PCDH15: variants seen among roughly 807,000 people sequenced by gnomAD.
PCDH15 encodes protocadherin related 15.
Under a neutral mutation model 178.5 loss-of-function variants are expected in PCDH15, and 129 were observed. The ratio of observed to expected loss-of-function variants is 0.72; its 90% CI spans 0.63 to 0.84. PCDH15 has a LOEUF of 0.84. Among genes scored for constraint, PCDH15 ranks in the 40% least tolerant of loss-of-function variants. The pLI is 0.00. For synonymous variants in PCDH15, 800 were observed against 732.0 expected (o/e 1.09, Z -1.50); for missense variants, 2,230 against 2,099.9 (o/e 1.06, Z -1.21).
At chr10:54,888,754 T>G (rs1352878847) in intron 3 of PCDH15, among the ~76,000 whole-genome samples, 2 of 151,398 alleles carry the variant, frequency 1.3e-5, no homozygotes, top group African/African-American at 2.4e-5. Context: ...TTTTTTTCAG[T>G]ACACATTTTG....
chr10:54,130,379 C>A (rs1006660114), intron 15 of PCDH15, among the ~76,000 whole-genome samples: 1 of 152,098 alleles, frequency 6.6e-6, no homozygotes, highest in South Asian at 2.1e-4. Flanking sequence ...ACGATTTCGG[C>A]GCGGTCTGGC....
At chr10:54,947,775 T>A (rs1020147570) in intron 2 of PCDH15, among the ~76,000 whole-genome samples, 1 of 151,990 alleles carries the variant, frequency 6.6e-6, no homozygotes, top group Non-Finnish European at 1.5e-5. Context: ...CATCCCAGAA[T>A]AAAATCCTGT....
intron 1 of PCDH15, among the ~76,000 whole-genome samples, chr10:54,665,435 G>T (rs1203780835): frequency 6.6e-6 from 1 of 151,936 alleles, no homozygotes; most frequent in African/African-American, 2.4e-5. Flanking sequence ...TTCTATTTCT[G>T]CCCAGGATTC....
chr10:54,142,161 G>A lies in PCDH15; in HGVS notation c.1785-9154C>T, dbSNP rs137967591. ...TGAGTAACCTAACTACTTTAACACC[G>A]TGGTCAGAAGTGCTATAAGTAGTAT... On this transcript the variant is annotated intron_variant, in intron 14 of 37. Transcript: ENST00000644397. Among the ~76,000 whole-genome samples, 692 of 152,188 alleles carry A rather than the reference G, an allele frequency of 4.5e-3. 10 individuals carry two copies. Among genetic ancestry groups the A allele is most frequent in the African/African-American group, 0.015 (642 of 41,534 alleles).
rs1026038697 is a variant in PCDH15, at chr10:54,465,171, A to AT, written c.157+62640dup. Among the ~76,000 whole-genome samples, 5 of 152,142 alleles carry AT rather than the reference A, an allele frequency of 3.3e-5. No homozygotes were observed. The East Asian group carries it at 7.7e-4, about 24-fold the overall frequency. ...TGTATATATTTACAGGGGACATGTG[A>AT]TTTTTTTGTTACACGCGTATAACAT... On this transcript the variant is annotated intron_variant, in intron 3 of 37. Coordinates refer to ENST00000644397, the MANE Select transcript of PCDH15 (RefSeq NM_001384140.1).
At chr10:55,543,342 A>G (rs1841806169) in intron 2 of PCDH15, among the ~76,000 whole-genome samples, 1 of 149,142 alleles carries the variant, frequency 6.7e-6, no homozygotes, top group Admixed American at 6.8e-5. Context: ...TCTACCTTAG[A>G]ATTTTGTCTC....
At chr10:54,234,041 A>C (rs1255985002) in intron 9 of PCDH15, among the ~76,000 whole-genome samples, 1 of 152,112 alleles carries the variant, frequency 6.6e-6, no homozygotes, top group African/African-American at 2.4e-5. Context: ...TAGCTTGGAG[A>C]AACACATATA....
intron 1 of PCDH15, among the ~76,000 whole-genome samples, chr10:54,720,854 A>T (rs1428019987): frequency 6.6e-6 from 1 of 152,084 alleles, no homozygotes; most frequent in Non-Finnish European, 1.5e-5. Flanking sequence ...AAATCAGCAA[A>T]GAAACTTAAC....
chr10:54,869,192 G>C (rs1477132667), intron 3 of PCDH15: 1 of 152,110 alleles, frequency 6.6e-6, no homozygotes, highest in Non-Finnish European at 1.5e-5. Context: ...GAGACACAGG[G>C]GAATGCCATG....
At chr10:55,231,279 A>C (rs562425279) in intron 1 of PCDH15, among the ~76,000 whole-genome samples, 3 of 151,932 alleles carry the variant, frequency 2.0e-5, no homozygotes, top group Non-Finnish European at 4.4e-5. Flanking sequence ...AAATCTGGAG[A>C]ACTTTTGTTG....
chr10:55,050,060 A>T (rs1162447587), intron 2 of PCDH15, among the ~76,000 whole-genome samples: 2 of 152,046 alleles, frequency 1.3e-5, no homozygotes, highest in Non-Finnish European at 2.9e-5. Context: ...AAATATTTAG[A>T]TAGATTTTAT....
intron 3 of PCDH15, among the ~76,000 whole-genome samples, chr10:54,458,895 G>A (rs1377016302): frequency 6.6e-6 from 1 of 152,098 alleles, no homozygotes; most frequent in East Asian, 1.9e-4. Context: ...TCATACTAGT[G>A]TACAGCAGGT....
At chr10:55,149,320 A>C (rs2589461) in intron 2 of PCDH15, among the ~76,000 whole-genome samples, 81,047 of 151,376 alleles carry the variant, frequency 0.54, 22,143 homozygotes, top group South Asian at 0.64. Flanking sequence ...TAAAACATAC[A>C]TTTTCTTTAT....
intron 3 of PCDH15, among the ~76,000 whole-genome samples, chr10:54,860,649 T>C (rs772732169): frequency 7.2e-5 from 11 of 152,180 alleles, no homozygotes; most frequent in Non-Finnish European, 2.9e-5. Context: ...AATTTATTTT[T>C]CTTGGGGTGT....
chr10:53,954,825 C>A (rs895144059), intron 23 of PCDH15, among the ~76,000 whole-genome samples: 5 of 152,160 alleles, frequency 3.3e-5, no homozygotes, highest in African/African-American at 9.7e-5. Flanking sequence ...ATTTTAAGAA[C>A]AATTTACTTC....
intron 2 of PCDH15, among the ~76,000 whole-genome samples, chr10:54,625,593 A>C (rs1419710796): frequency 6.6e-6 from 1 of 152,136 alleles, no homozygotes; most frequent in East Asian, 1.9e-4. Context: ...CCATCCATGT[A>C]AGATGTCACT....
At chr10:54,770,332 G>C (rs1800155395) in intron 1 of PCDH15, among the ~76,000 whole-genome samples, 1 of 152,016 alleles carries the variant, frequency 6.6e-6, no homozygotes, top group Non-Finnish European at 1.5e-5. Context: ...GATCAGATTA[G>C]ATTCAGAGCT....
chr10:53,852,871 G>C (rs2078478296), intron 28 of PCDH15, among the ~76,000 whole-genome samples: 4 of 151,992 alleles, frequency 2.6e-5, no homozygotes, highest in African/African-American at 9.7e-5. Context: ...GAATGTCACA[G>C]GGAATTAATG....
At chr10:55,248,539 A>G (rs1006611884) in intron 1 of PCDH15, among the ~76,000 whole-genome samples, 5 of 152,168 alleles carry the variant, frequency 3.3e-5, no homozygotes, top group Admixed American at 2.0e-4. Flanking sequence ...TAAGCATCCA[A>G]TAGATATGAA....
Sources: allele counts gnomAD v4.1 joint callset (sites outside exome capture counted in the v4.1 genomes callset), GRCh38; gene constraint gnomAD v4.1.1; transcripts MANE v1.5; gene names NCBI Gene and HGNC (gene_info 2026-07-23, HGNC 2026-07-21).